SVIL: variants seen among roughly 807,000 people sequenced by gnomAD.
SVIL encodes the protein archvillin.
A neutral mutation model predicts 240.4 loss-of-function variants in SVIL; 101 were observed. The ratio of observed to expected loss-of-function variants is 0.42; its 90% CI spans 0.36 to 0.50. The LOEUF (loss-of-function observed/expected upper bound fraction) is 0.50, where lower values mean the gene tolerates loss of function less well. SVIL is among the 20% of genes least tolerant of loss of function. The pLI is 0.01. For missense variants in SVIL, 2,512 were observed against 2,818.7 expected, an observed-to-expected ratio of 0.89 and a Z score of 2.46; for synonymous variants, 999 against 1,100.0, an observed-to-expected ratio of 0.91 and a Z score of 1.82.
chr10:29,523,723 T>C lies in SVIL; in HGVS notation c.2891A>G (p.Glu964Gly), dbSNP rs781023372. ...RALTGRDSGMEKYGSFEEAEA... is the reference protein window; with the variant it reads ...RALTGRDSGMGKYGSFEEAEA... The stretch of plus-strand genomic sequence containing the variant: ...TGCTTCCTCAAAGGACCCATACTTC[T>C]CCATCCCACTGTCTCGACCTGTCAA... Residue 964 changes from glutamate to glycine, a missense_variant, in exon 15 of 38, where the codon GAG becomes GGG. By Grantham distance (98) the Glu-to-Gly change is moderately conservative. Transcript: ENST00000355867. 6.2e-7 allele frequency: 1 copy of C among 1,614,202 alleles called. No individual in the cohort carries two copies. The highest frequency in any genetic ancestry group is 8.5e-7 in the Non-Finnish European group (1 of 1,180,036).
intron 1 of SVIL, among the ~76,000 whole-genome samples, chr10:29,623,737 G>A (rs761534546): frequency 3.9e-5 from 6 of 152,152 alleles, no homozygotes; most frequent in Non-Finnish European, 7.3e-5. Context: ...CTGTAGTCCA[G>A]CTACTCGGGA....
chr10:29,678,560 G>T (rs1262060078), intron 2 of SVIL, among the ~76,000 whole-genome samples: 1 of 152,130 alleles, frequency 6.6e-6, no homozygotes, highest in East Asian at 1.9e-4. Flanking sequence ...CTGATCCATG[G>T]CCCAGGGGTT....
At chr10:29,647,995 T>A (rs1198715490) in intron 3 of SVIL, among the ~76,000 whole-genome samples, 78 of 112,326 alleles carry the variant, frequency 6.9e-4, no homozygotes, top group African/African-American at 9.2e-4. Flanking sequence ...ACAAAAAAAA[T>A]CATTACCAGA....
intron 17 of SVIL, among the ~76,000 whole-genome samples, chr10:29,509,313 G>A (rs1473942635): frequency 1.4e-5 from 2 of 139,136 alleles, no homozygotes; most frequent in South Asian, 5.0e-4. Context: ...GAGAGAGAAA[G>A]GGAGAAGGAG....
chr10:29,512,485 A>G (rs868580134), intron 17 of SVIL, among the ~76,000 whole-genome samples: 4 of 152,332 alleles, frequency 2.6e-5, no homozygotes, highest in Middle Eastern at 6.8e-3. Flanking sequence ...AAAAGTCCAC[A>G]CTTTAAAATT....
intron 1 of SVIL, among the ~76,000 whole-genome samples, chr10:29,710,344 ACCACG>A (rs1963192703): frequency 6.6e-6 from 1 of 152,184 alleles, no homozygotes; most frequent in Non-Finnish European, 1.5e-5. Context: ...GGCGTGAGCC[ACCACG>A]CCCAGCCAAC....
rs116089325 is a variant in SVIL at position 29,732,811 on chromosome 10, G to A, written c.-400+2940C>T. Among the ~76,000 whole-genome samples the A allele has an allele frequency of 4.0e-3, 607 of 152,014 alleles. 8 individuals carry two copies. Among genetic ancestry groups the A allele is most frequent in the African/African-American group, 0.014 (565 of 41,486 alleles). The stretch of plus-strand genomic sequence containing the variant: ...CCATTGATGGCTAGTGAATGAGAAA[G>A]GAGAATACATATTTCCTTTTCACCA... On this transcript the variant is annotated intron_variant, in intron 1 of 35. Coordinates refer to the SVIL transcript ENST00000375400.
intron 17 of SVIL, among the ~76,000 whole-genome samples, chr10:29,511,240 T>C (rs1035548283): frequency 1.4e-5 from 2 of 140,270 alleles, no homozygotes; most frequent in African/African-American, 5.5e-5. Flanking sequence ...ACTCAAAGCC[T>C]TCTGGCTTCC....
rs1949412649 is a variant in SVIL, at chr10:29,507,054, C to A, written c.3516+5681G>T. ...CTCAGCCCAGGCTGGGGTCTGCTCTCTGGGGTGGGGTTCAGAGAGGCTACA... is the reference window on the plus strand; with the variant it reads ...CTCAGCCCAGGCTGGGGTCTGCTCTATGGGGTGGGGTTCAGAGAGGCTACA... On this transcript the variant is annotated intron_variant, in intron 17 of 37. Coordinates refer to ENST00000355867, the MANE Select transcript of SVIL (RefSeq NM_021738.3). 2.0e-5 allele frequency among the ~76,000 whole-genome samples: 3 copies of A among 152,264 alleles called. No homozygotes were observed. The South Asian group carries it at 6.2e-4, about 32-fold the overall frequency.
intron 1 of SVIL, among the ~76,000 whole-genome samples, chr10:29,584,423 A>G (rs1214723738): frequency 1.3e-5 from 2 of 152,176 alleles, no homozygotes; most frequent in East Asian, 1.9e-4. Flanking sequence ...CCCTGCTGCC[A>G]CCACTGCATG....
rs11007612 is a variant in SVIL, at chr10:29,481,622, A to G, written c.5062T>C (p.Ser1688Pro). The G allele has an allele frequency of 0.11, 183,951 of 1,613,892 alleles. 11,845 individuals carry two copies. The highest frequency in any genetic ancestry group is 0.13 in the Non-Finnish European group (155,940 of 1,179,962). Residue 1688 changes from serine (S) to proline (P), a missense_variant, in exon 28 of 38, where the codon TCG (serine) becomes CCG (proline). Transcript: ENST00000355867. The part of the protein sequence containing the change: ...KFLDWTELKR[S>P]NEKNPGELAQ... ...AGTTCCCCGGGGTTCTTCTCATTCG[A>G]TCTCTTCAGTTCCGTCCAATCCAGA...
chr10:29,650,781 T>G (rs1400320354), intron 3 of SVIL, among the ~76,000 whole-genome samples: 1 of 152,014 alleles, frequency 6.6e-6, no homozygotes, highest in African/African-American at 2.4e-5. Flanking sequence ...AGACTTTGTC[T>G]CTACAAAAAT....
At chr10:29,517,779 T>A (rs1950314629) in intron 16 of SVIL, among the ~76,000 whole-genome samples, 1 of 152,232 alleles carries the variant, frequency 6.6e-6, no homozygotes, top group Admixed American at 6.5e-5. Context: ...GGCTCTTTTT[T>A]TCTTTTCAAT....
chr10:29,509,798 C>T (rs1458209341), intron 17 of SVIL, among the ~76,000 whole-genome samples: 2 of 152,032 alleles, frequency 1.3e-5, no homozygotes, highest in Non-Finnish European at 2.9e-5. Flanking sequence ...TGCGGTGAGC[C>T]GAGATTGTGC....
chr10:29,712,540 ATC>A (rs1340756745), intron 1 of SVIL, among the ~76,000 whole-genome samples: 2 of 152,150 alleles, frequency 1.3e-5, no homozygotes, highest in African/African-American at 4.8e-5. Flanking sequence ...CAGATGCCCA[ATC>A]TTCCAGCAGC....
intron 1 of SVIL, among the ~76,000 whole-genome samples, chr10:29,721,733 C>A (rs1377087361): frequency 6.6e-6 from 1 of 152,156 alleles, no homozygotes; most frequent in Non-Finnish European, 1.5e-5. Context: ...GACAGAACTG[C>A]ACAAGGAAAC....
At chr10:29,645,612 G>C (rs1958630867) in intron 3 of SVIL, among the ~76,000 whole-genome samples, 1 of 152,104 alleles carries the variant, frequency 6.6e-6, no homozygotes, top group African/African-American at 2.4e-5. Context: ...CTCCAAGCGA[G>C]ATAAAATATG....
intron 2 of SVIL, among the ~76,000 whole-genome samples, chr10:29,567,621 T>C (rs1030318617): frequency 2.5e-4 from 38 of 152,358 alleles, no homozygotes; most frequent in African/African-American, 8.4e-4. Context: ...TCATATTGCA[T>C]GCTTTTCCTA....
rs556726051 is a variant in SVIL, at chr10:29,653,070, A to G, written c.-201+4899T>C. ...GGTCTCAAACTCCTGGACTCAAACA[A>G]TCCTCTGCTTTGGCCTCCCAAAGTG... On this transcript the variant is annotated intron_variant, in intron 3 of 35. Coordinates refer to the SVIL transcript ENST00000375400. Among the ~76,000 whole-genome samples, 12 of 151,416 alleles carry G rather than the reference A, an allele frequency of 7.9e-5. No homozygotes were observed. In the East Asian group the frequency reaches 2.1e-3, roughly 27 times the overall value.
Sources: gnomAD v4.1 joint callset for allele counts (sites outside exome capture counted in the v4.1 genomes callset) on GRCh38, gnomAD v4.1.1 for gene constraint, MANE v1.5 for transcripts, NCBI Gene and HGNC (gene_info 2026-07-23, HGNC 2026-07-21) for gene names.